Variants in ALPK1 observed in about 807,000 individuals in gnomAD.
ALPK1 encodes the protein alpha-protein kinase 1.
A neutral mutation model predicts 120.6 loss-of-function variants in ALPK1; 110 were observed. The ratio of observed to expected loss-of-function variants is 0.91; its 90% CI spans 0.78 to 1.07. ALPK1 has a LOEUF of 1.07. Ranked by LOEUF, ALPK1 falls within the 50% of genes least tolerant of loss-of-function variation. The pLI is 0.00. For synonymous variants in ALPK1, 582 were observed against 560.3 expected (o/e 1.04, Z -0.55); for missense variants, 1,498 against 1,483.9 (o/e 1.01, Z -0.16).
At position 112,409,926 on chromosome 4, in the gene ALPK1, T is replaced by C. The variant is rs183632179; in HGVS notation, c.277-1901T>C. On this transcript the variant is annotated intron_variant, in intron 4 of 15. Coordinates refer to ENST00000650871, the MANE Select transcript of ALPK1 (RefSeq NM_025144.4). ...CCAAAAAGATAAATAGAGTAAAAAA[T>C]TTTATACTTAATAAACACATTGGCA... Among the ~76,000 whole-genome samples, 235 of 152,210 alleles carry C rather than the reference T, an allele frequency of 1.5e-3. 5 individuals are homozygous for C. Among genetic ancestry groups the C allele is most frequent in the Admixed American group, 0.015 (233 of 15,282 alleles).
chr4:112,427,541 T>C, intron 8 of ALPK1, 29 bp from the exon 9 acceptor site: 1 of 1,548,658 alleles, frequency 6.5e-7, no homozygotes, highest in Non-Finnish European at 8.9e-7. Flanking sequence ...GAATTCCCGA[T>C]CTGTGACTTC....
At chr4:112,315,189 C>T (rs1728580564) in intron 1 of ALPK1, among the ~76,000 whole-genome samples, 1 of 152,044 alleles carries the variant, frequency 6.6e-6, no homozygotes, top group Non-Finnish European at 1.5e-5. Context: ...GCCACATTGT[C>T]ATTTTAATAT....
chr4:112,340,728 CA>C (rs1729825216), intron 2 of ALPK1, among the ~76,000 whole-genome samples: 1 of 152,236 alleles, frequency 6.6e-6, no homozygotes, highest in South Asian at 2.1e-4. Flanking sequence ...GGAAATGCTA[CA>C]TCTTCATAAT....
At chr4:112,402,316 T>C (rs1732954176) in intron 4 of ALPK1, among the ~76,000 whole-genome samples, 1 of 152,214 alleles carries the variant, frequency 6.6e-6, no homozygotes. Flanking sequence ...TGTGAACACA[T>C]CACAGCTTTG....
At chr4:112,357,825 CCTGGAGTT>C in intron 2 of ALPK1, 1 of 1,030,548 alleles carries the variant, frequency 9.7e-7, no homozygotes, top group Non-Finnish European at 1.5e-6. Context: ...TGGAAAAGAG[CCTGGAGTT>C]CTGGCAGGCC....
At chr4:112,429,341 C>T (rs1734423079) in intron 10 of ALPK1, 88 bp downstream of exon 10, 6 of 1,042,210 alleles carry the variant, frequency 5.8e-6, no homozygotes, top group Middle Eastern at 2.3e-4. Flanking sequence ...AAAGGTTTAA[C>T]CTTCAAACAG....
chr4:112,411,778 C>G, intron 4 of ALPK1, 49 bp from the exon 5 acceptor site: 1 of 1,549,716 alleles, frequency 6.5e-7, no homozygotes, highest in Non-Finnish European at 8.8e-7. Flanking sequence ...TGGCCCTCAG[C>G]CTGCCAGCGT....
chr4:112,360,795 T>C (rs4834269), intron 2 of ALPK1, among the ~76,000 whole-genome samples: 52,892 of 152,116 alleles, frequency 0.35, 10,179 homozygotes, highest in Middle Eastern at 0.44. Flanking sequence ...TCTTCTTGTT[T>C]ACATTTTTGC....
intron 4 of ALPK1, chr4:112,383,303 T>C (rs28473568): frequency 6.7e-6 from 1 of 149,872 alleles, no homozygotes; most frequent in African/African-American, 2.5e-5. Context: ...ATATATATAT[T>C]TTCTCAAATA....
chr4:112,317,587 G>A (rs1258118416), intron 2 of ALPK1, among the ~76,000 whole-genome samples: 1 of 152,082 alleles, frequency 6.6e-6, no homozygotes, highest in Non-Finnish European at 1.5e-5. Context: ...CTTATACATC[G>A]ATGGTCTATA....
chr4:112,306,429 C>A (rs1184909650), intron 1 of ALPK1, among the ~76,000 whole-genome samples: 1 of 152,074 alleles, frequency 6.6e-6, no homozygotes, highest in Admixed American at 6.6e-5. Context: ...ATTTCAGAGC[C>A]TGTTATTGGT....
At chr4:112,408,429 G>T (rs1440513101) in intron 4 of ALPK1, among the ~76,000 whole-genome samples, 1 of 151,782 alleles carries the variant, frequency 6.6e-6, no homozygotes, top group Non-Finnish European at 1.5e-5. Flanking sequence ...CCATCAGTTT[G>T]CTTTTCCATC....
intron 12 of ALPK1, among the ~76,000 whole-genome samples, 197 bp from the exon 13 acceptor site, chr4:112,438,285 TGA>T: frequency 6.6e-6 from 1 of 152,352 alleles, no homozygotes; most frequent in African/African-American, 2.4e-5. Flanking sequence ...TCAGCTAGAA[TGA>T]GTGTGTTCCA....
At chr4:112,408,068 C>T (rs111361166) in intron 4 of ALPK1, among the ~76,000 whole-genome samples, 1,780 of 151,872 alleles carry the variant, frequency 0.012, 36 homozygotes, top group African/African-American at 0.04. Flanking sequence ...GATTACACCA[C>T]TGCACTCCAG....
At chr4:112,354,657 G>T (rs1410381414) in intron 2 of ALPK1, among the ~76,000 whole-genome samples, 1 of 151,954 alleles carries the variant, frequency 6.6e-6, no homozygotes, top group African/African-American at 2.4e-5. Flanking sequence ...TAGTAGAGAT[G>T]GGGTTTCACC....
rs796234077 is a variant in ALPK1 at position 112,323,225 on chromosome 4, C to A, written c.-101+7373C>A. 3.3e-4 allele frequency among the ~76,000 whole-genome samples: 51 copies of A among 152,278 alleles called. 1 individual carries two copies. The highest frequency in any genetic ancestry group is 1.2e-3 in the African/African-American group (50 of 41,568). ...GTCCTAGTCGGTCTTCTAAGCAAAG[C>A]GTATCTTAACTAAACCTCCTTTCCC... On this transcript the variant is annotated intron_variant, in intron 2 of 15. Transcript: ENST00000650871.
intron 2 of ALPK1, among the ~76,000 whole-genome samples, chr4:112,350,939 G>T (rs1482402401): frequency 1.3e-5 from 2 of 152,260 alleles, no homozygotes; most frequent in South Asian, 4.2e-4. Flanking sequence ...CTCATTTGGG[G>T]TGCAGAAATG....
In ALPK1 at chr4:112,357,801, T is replaced by TTCATATCC. The variant is rs550172713; in HGVS notation, c.-100-19876_-100-19869dup. 9.9e-4 allele frequency: 1,017 copies of TTCATATCC among 1,026,456 alleles called. 6 individuals are homozygous for TTCATATCC. The African/African-American group carries it at 0.014, about 14-fold the overall frequency. 63.6% of individuals were successfully genotyped at this position (1,026,456 alleles called of 1,614,324 possible). ...CCTATGGGCTCCTGATCTTCTTCCC[T>TTCATATCC]TCATATCCCATCATGGAAAAGAGCC... is the stretch of plus-strand genomic sequence containing the variant. On this transcript the variant is annotated intron_variant, in intron 2 of 15. Coordinates refer to ENST00000650871, the MANE Select transcript of ALPK1 (RefSeq NM_025144.4).
At chr4:112,359,364 G>T in intron 2 of ALPK1, 1 of 377,512 alleles carries the variant, frequency 2.6e-6, no homozygotes, top group South Asian at 2.8e-5. Context: ...TGATGACCTG[G>T]ACAAGGTGCT....
Sources: gnomAD v4.1 joint callset for allele counts (sites outside exome capture counted in the v4.1 genomes callset) on GRCh38, gnomAD v4.1.1 for gene constraint, MANE v1.5 for transcripts, NCBI Gene and HGNC (gene_info 2026-07-23, HGNC 2026-07-21) for gene names.